Variants in VEPH1 observed in about 807,000 individuals in gnomAD.
VEPH1 encodes the protein ventricular zone-expressed PH domain-containing protein homolog 1.
In VEPH1, 80 loss-of-function variants were observed where a neutral mutation model predicts 85.2. The observed-to-expected ratio is 0.94, with a 90% CI of 0.78 to 1.13. VEPH1 has a LOEUF of 1.13. Ranked by LOEUF, VEPH1 falls within the 50% of genes most tolerant of loss-of-function variation. The pLI is 0.00. For missense variants in VEPH1, 955 were observed against 980.5 expected, an observed-to-expected ratio of 0.97 and a Z score of 0.35; for synonymous variants, 297 against 348.0, an observed-to-expected ratio of 0.85 and a Z score of 1.63.
intron 6 of VEPH1, among the ~76,000 whole-genome samples, chr3:157,390,911 AG>A (rs201483339): frequency 0.017 from 2,513 of 152,276 alleles, 67 homozygotes; most frequent in African/African-American, 0.055. Context: ...GGCATCTCCA[AG>A]TTTTTGGGCA....
chr3:157,345,441 A>G (rs1724106335), intron 9 of VEPH1, among the ~76,000 whole-genome samples: 1 of 152,248 alleles, frequency 6.6e-6, no homozygotes, highest in Admixed American at 6.5e-5. Flanking sequence ...GTTCATCATC[A>G]CTGGCCATCA....
chr3:157,313,967 C>T (rs933962951), intron 10 of VEPH1, among the ~76,000 whole-genome samples: 4 of 151,752 alleles, frequency 2.6e-5, no homozygotes, highest in East Asian at 3.9e-4. Context: ...GATACTGAGG[C>T]GGGAGGATCG....
At chr3:157,290,035 A>AACACACACAC (rs34035101) in intron 11 of VEPH1, among the ~76,000 whole-genome samples, 5 of 144,312 alleles carry the variant, frequency 3.5e-5, no homozygotes, top group South Asian at 2.3e-4. Flanking sequence ...ATTATACACA[A>AACACACACAC]ACACACACAC....
intron 9 of VEPH1, among the ~76,000 whole-genome samples, chr3:157,348,307 G>A (rs1352600567): frequency 6.6e-6 from 1 of 152,124 alleles, no homozygotes; most frequent in Non-Finnish European, 1.5e-5. Flanking sequence ...AGTTCTATTT[G>A]TAGATATTGA....
At chr3:157,493,362 A>C in intron 2 of VEPH1, 1 of 442,584 alleles carries the variant, frequency 2.3e-6, no homozygotes, top group South Asian at 1.6e-5. Flanking sequence ...CTAGAGAGGA[A>C]TAGCTGGGGC....
At position 157,410,193 on chromosome 3, in the gene VEPH1, A is replaced by G. The variant is rs566910273; in HGVS notation, c.906+3688T>C. On this transcript the variant is annotated intron_variant, in intron 6 of 13. Coordinates refer to ENST00000362010, the MANE Select transcript of VEPH1 (RefSeq NM_001167912.2). Reference sequence around the variant, plus strand: ...TTTTTAGATGAGACCAGAATAGGATAAGGGAGACGATCCTAAGGCTAGAGG... The same window carrying G: ...TTTTTAGATGAGACCAGAATAGGATGAGGGAGACGATCCTAAGGCTAGAGG... Among the ~76,000 whole-genome samples the G allele has an allele frequency of 7.2e-5, 11 of 152,262 alleles. No homozygotes were observed. The South Asian group carries it at 2.3e-3, about 32-fold the overall frequency.
chr3:157,275,531 G>C (rs1293568448), intron 12 of VEPH1, among the ~76,000 whole-genome samples: 1 of 151,896 alleles, frequency 6.6e-6, no homozygotes, highest in Non-Finnish European at 1.5e-5. Flanking sequence ...AGCCAAGATT[G>C]TGCCATTGCA....
rs116669724 is a variant in VEPH1, at chr3:157,376,139, A to G, written c.1127+5017T>C. ...TCATCCTCTCTCCCTATCTTTTCTC[A>G]TTTGTCATATTTATCTCCCACTGCT... On this transcript the variant is annotated intron_variant, in intron 7 of 13. Transcript: ENST00000362010. Among the ~76,000 whole-genome samples the G allele has an allele frequency of 6.4e-3, 973 of 151,444 alleles. 4 individuals carry two copies. Among genetic ancestry groups the G allele is most frequent in the Non-Finnish European group, 9.7e-3 (660 of 67,850 alleles).
chr3:157,338,460 C>A (rs982927198), intron 9 of VEPH1, among the ~76,000 whole-genome samples: 1 of 152,192 alleles, frequency 6.6e-6, no homozygotes, highest in East Asian at 1.9e-4. Context: ...AACTATTCCA[C>A]ATTTTTCAAA....
At chr3:157,497,622 T>C (rs958295190) in intron 1 of VEPH1, among the ~76,000 whole-genome samples, 42 of 152,152 alleles carry the variant, frequency 2.8e-4, no homozygotes, top group Non-Finnish European at 4.9e-4. Flanking sequence ...CTCCATGAAG[T>C]ACATTCAACT....
intron 6 of VEPH1, among the ~76,000 whole-genome samples, chr3:157,412,536 T>C (rs1337310080): frequency 3.3e-5 from 5 of 152,158 alleles, no homozygotes; most frequent in Non-Finnish European, 5.9e-5. Context: ...GCAGATTCAG[T>C]TAAACAGCTG....
intron 4 of VEPH1, among the ~76,000 whole-genome samples, chr3:157,445,721 G>A (rs1233083263): frequency 1.3e-5 from 2 of 152,138 alleles, no homozygotes; most frequent in Non-Finnish European, 2.9e-5. Context: ...CCCGGGAGGC[G>A]GAGATTGCAG....
intron 4 of VEPH1, chr3:157,459,630 G>T: frequency 7.8e-7 from 1 of 1,274,220 alleles, no homozygotes; most frequent in Non-Finnish European, 9.9e-7. Flanking sequence ...TATTTTGCAT[G>T]AACTAATTTG....
In VEPH1 at chr3:157,342,440, A is replaced by G. The variant is rs78771712; in HGVS notation, c.1735+20924T>C. ...CAAAAGAGACAAAGGAGGCCATTACATAATGCTAAAGGGATCAATTCAACA... is the reference window on the plus strand; with the variant it reads ...CAAAAGAGACAAAGGAGGCCATTACGTAATGCTAAAGGGATCAATTCAACA... On this transcript the variant is annotated intron_variant, in intron 9 of 13. Transcript: ENST00000362010. Among the ~76,000 whole-genome samples, 82 of 152,362 alleles carry G rather than the reference A, an allele frequency of 5.4e-4. No homozygotes were observed. In the East Asian group the frequency reaches 0.015, roughly 28 times the overall value.
At chr3:157,279,930 C>T (rs552013818) in intron 12 of VEPH1, among the ~76,000 whole-genome samples, 17 of 149,628 alleles carry the variant, frequency 1.1e-4, no homozygotes, top group African/African-American at 2.5e-4. Flanking sequence ...GCAGGAGAAT[C>T]GCTTGAACCC....
chr3:157,482,712 T>C (rs999138098), intron 2 of VEPH1, among the ~76,000 whole-genome samples: 1 of 152,206 alleles, frequency 6.6e-6, no homozygotes, highest in Non-Finnish European at 1.5e-5. Context: ...TCAGCTCCTT[T>C]GTTAGATGCA....
intron 9 of VEPH1, among the ~76,000 whole-genome samples, chr3:157,332,075 T>A (rs1221113629): frequency 6.6e-6 from 1 of 152,244 alleles, no homozygotes; most frequent in East Asian, 1.9e-4. Context: ...CAGTACATGG[T>A]GCTTGCGGCT....
chr3:157,442,315 GAATT>G (rs746953775), intron 4 of VEPH1: 15 of 1,410,340 alleles, frequency 1.1e-5, no homozygotes, highest in South Asian at 2.8e-5. Flanking sequence ...GAATAATTCT[GAATT>G]AATTTATATT....
chr3:157,499,408 C>T (rs1001511787), intron 1 of VEPH1: 2 of 152,188 alleles, frequency 1.3e-5, no homozygotes, highest in African/African-American at 2.4e-5. Flanking sequence ...CGTGCTACTC[C>T]TCAAAGGCGC....
Sources: gnomAD v4.1 joint callset for allele counts (sites outside exome capture counted in the v4.1 genomes callset) on GRCh38, gnomAD v4.1.1 for gene constraint, MANE v1.5 for transcripts, NCBI Gene and HGNC (gene_info 2026-07-23, HGNC 2026-07-21) for gene names.